The following FAM234A variants were observed in gnomAD, a reference collection of about 807,000 sequenced individuals.
FAM234A encodes protein FAM234A.
FAM234A carries 42 observed loss-of-function variants against 49.1 expected under a neutral mutation model. The observed-to-expected ratio is 0.86, with a 90% CI of 0.67 to 1.11. The LOEUF (loss-of-function observed/expected upper bound fraction) is 1.11. Ranked by LOEUF, FAM234A falls within the 50% of genes least tolerant of loss-of-function variation. The probability of loss-of-function intolerance (pLI) is 0.00; values close to 1 mark genes in which losing one functional copy is unlikely to be tolerated. For missense variants in FAM234A, 815 were observed against 745.2 expected (o/e 1.09, Z -1.09); for synonymous variants, 369 against 316.2 (o/e 1.17, Z -1.77).
rs541363707 is a variant in FAM234A at position 236,619 on chromosome 16, TA to T, written c.-140+1765del. Among the ~76,000 whole-genome samples, 447 of 146,936 alleles carry T rather than the reference TA, an allele frequency of 3.0e-3. 2 individuals carry two copies. Among genetic ancestry groups the T allele is most frequent in the African/African-American group, 0.01 (410 of 39,608 alleles). On this transcript the variant is annotated intron_variant, in intron 1 of 12. Transcript: ENST00000399932. ...GAGACATAGCGAGACTGTCTCAAAATAAATAGGCCGGGCGCGGTGGCTCACG... is the reference window on the plus strand; with the variant it reads ...GAGACATAGCGAGACTGTCTCAAAATAATAGGCCGGGCGCGGTGGCTCACG...
chr16:245,587 G>A (rs2050776406), intron 1 of FAM234A, among the ~76,000 whole-genome samples: 1 of 151,890 alleles, frequency 6.6e-6, no homozygotes, highest in Non-Finnish European at 1.5e-5. Flanking sequence ...CAATCTTTTG[G>A]CTTCCCTGGG....
chr16:244,677 A>C (rs1410582599), intron 1 of FAM234A, among the ~76,000 whole-genome samples: 1 of 145,244 alleles, frequency 6.9e-6, no homozygotes, highest in East Asian at 2.0e-4. Flanking sequence ...CCTGAATGGT[A>C]ACCTCTTTTT....
At chr16:246,782 T>C (rs1051340093) in intron 1 of FAM234A, among the ~76,000 whole-genome samples, 3 of 149,916 alleles carry the variant, frequency 2.0e-5, no homozygotes, top group Non-Finnish European at 4.4e-5. Context: ...TTTTTGTTTT[T>C]TTCTTTTTTT....
downstream of FAM234A, among the ~76,000 whole-genome samples, chr16:267,356 T>C (rs746509639): frequency 2.0e-5 from 3 of 152,096 alleles, no homozygotes; most frequent in Non-Finnish European, 2.9e-5. Context: ...TGCCTGGGTC[T>C]GAGAGGGTCA....
chr16:269,162 G>A (rs1596879711), downstream of FAM234A: 1 of 973,220 alleles, frequency 1.0e-6, no homozygotes, highest in Non-Finnish European at 1.6e-6. Flanking sequence ...GGGGACACTG[G>A]TGCTGGGTTC....
In FAM234A at chr16:256,317, T is replaced by TA. The variant is rs148792042; in HGVS notation, c.268+1636_268+1637insA. ...AAAGCGACTGCACCATTTGACTATT[T>TA]TCCATTCCTACTACAATGCTGAGGA... On this transcript the variant is annotated intron_variant, in intron 3 of 12. Coordinates refer to ENST00000399932, the MANE Select transcript of FAM234A (RefSeq NM_032039.4). Among the ~76,000 whole-genome samples the TA allele has an allele frequency of 5.1e-3, 775 of 152,340 alleles. 40 individuals are homozygous for TA. In the East Asian group the frequency reaches 0.11, roughly 22 times the overall value.
chr16:259,394 T>C (rs2051365145), intron 3 of FAM234A, 89 bp from the exon 4 acceptor site: 6 of 746,032 alleles, frequency 8.0e-6, no homozygotes, highest in Admixed American at 2.1e-5. Flanking sequence ...GCAGGTTCCA[T>C]GTAGCAGAGA....
At position 264,816 on chromosome 16, in the gene FAM234A, C is replaced by T; in HGVS notation, c.1453C>T (p.Leu485=). 6.2e-7 allele frequency: 1 copy of T among 1,609,316 alleles called. No individual in the cohort carries two copies. Among genetic ancestry groups the T allele is most frequent in the South Asian group, 1.1e-5 (1 of 90,968 alleles). ...STHIVAFDAV[L]FEPSRHAAYI... The stretch of plus-strand genomic sequence containing the variant: ...CTGTGTCCCCCACCCTGCAGCCGTC[C>T]TGTTTGAGCCAAGCCGCCACGCCGC... Residue 485 remains leucine (L), a synonymous_variant, in exon 13 of 13, where the codon CTG becomes TTG. Coordinates refer to ENST00000399932, the MANE Select transcript of FAM234A (RefSeq NM_032039.4).
At chr16:247,997 G>T (rs2050873966) in intron 1 of FAM234A, among the ~76,000 whole-genome samples, 1 of 152,090 alleles carries the variant, frequency 6.6e-6, no homozygotes, top group Non-Finnish European at 1.5e-5. Flanking sequence ...GTTCAGGTGG[G>T]TGCTCATCTG....
intron 1 of FAM234A, among the ~76,000 whole-genome samples, chr16:238,210 G>A (rs1310947050): frequency 6.6e-6 from 1 of 152,072 alleles, no homozygotes; most frequent in Admixed American, 6.6e-5. Flanking sequence ...GTAGAGACGA[G>A]GTTTCGCCAT....
rs756526364 is a variant in FAM234A, at chr16:254,603, T to G, written c.190T>G (p.Phe64Val). The G allele has an allele frequency of 9.9e-6, 16 of 1,613,810 alleles. No homozygotes were observed. Among genetic ancestry groups the G allele is most frequent in the East Asian group, 8.9e-5 (4 of 44,892 alleles). Residue 64 changes from phenylalanine to valine, a missense_variant, in exon 3 of 13, where the codon TTC (phenylalanine) becomes GTC (valine). Physicochemically the swap from Phe to Val is conservative, Grantham distance 50. Coordinates refer to ENST00000399932, the MANE Select transcript of FAM234A (RefSeq NM_032039.4). Reference protein sequence around the residue: ...LSLFLCLFVVFVVSFVIPCPD... With the variant: ...LSLFLCLFVVVVVSFVIPCPD... ...ATTGTTTCTCTGCCTTTTTGTGGTGTTCGTCGTCTCATTCGTCATCCCGTG... is the reference window on the plus strand; with the variant it reads ...ATTGTTTCTCTGCCTTTTTGTGGTGGTCGTCGTCTCATTCGTCATCCCGTG...
intron 1 of FAM234A, among the ~76,000 whole-genome samples, chr16:235,997 A>T (rs1438588117): frequency 6.6e-6 from 1 of 151,844 alleles, no homozygotes; most frequent in Non-Finnish European, 1.5e-5. Context: ...TACTAAAAAT[A>T]AAAAAATTAG....
chr16:263,539 C>T, intron 9 of FAM234A, 137 bp downstream of exon 9: 1 of 1,348,496 alleles, frequency 7.4e-7, no homozygotes, highest in Non-Finnish European at 1.0e-6. Context: ...TCTTGCCTGT[C>T]TCTGGTACTT....
Position 262,888 on chromosome 16 carries a change from CG to C in FAM234A, c.971+337del, listed in dbSNP as rs1344230265. ...AGGCTGGAGTGCAGTGGTGCGATCT[CG>C]GTTCACTGCAACCTCCGCCTCCCGG... is the stretch of plus-strand genomic sequence containing the variant. On this transcript the variant is annotated intron_variant, in intron 8 of 12. Coordinates refer to ENST00000399932, the MANE Select transcript of FAM234A (RefSeq NM_032039.4). Among the ~76,000 whole-genome samples the C allele has an allele frequency of 7.4e-5, 11 of 148,462 alleles. No individual in the cohort carries two copies. In the South Asian group the frequency reaches 1.1e-3, roughly 14 times the overall value.
At chr16:246,749 GTGTTTTGTTT>G (rs146299091) in intron 1 of FAM234A, among the ~76,000 whole-genome samples, 9 of 148,900 alleles carry the variant, frequency 6.0e-5, no homozygotes, top group East Asian at 3.9e-4. Flanking sequence ...CGATCGATTG[GTGTTTTGTTT>G]TGTTTTGTTT....
chr16:263,607 G>T, intron 9 of FAM234A, 93 bp from the exon 10 acceptor site: 1 of 1,286,136 alleles, frequency 7.8e-7, no homozygotes. Flanking sequence ...TGTGGCCATG[G>T]GAGACTGAGG....
At position 265,710 on chromosome 16, in the gene FAM234A, G is replaced by A. The variant is rs1055241476; in HGVS notation, c.*688G>A. Reference sequence around the variant, plus strand: ...CTGCTCTGGAGCTGAGCCCGTGGCCGCTCACAGGTGTCCTTAGTGGTGTTG... The same window carrying A: ...CTGCTCTGGAGCTGAGCCCGTGGCCACTCACAGGTGTCCTTAGTGGTGTTG... On this transcript the variant is annotated 3_prime_UTR_variant, in exon 13 of 13. Transcript: ENST00000399932. 1.5e-5 allele frequency: 15 copies of A among 985,404 alleles called. No homozygotes were observed. Among genetic ancestry groups the A allele is most frequent in the South Asian group, 1.4e-4 (3 of 21,290 alleles). 61.0% of individuals were successfully genotyped at this position (985,404 alleles called of 1,614,324 possible). A position where few individuals can be genotyped will look rare whatever the true frequency, so the allele number is the denominator to read the frequency against.
intron 11 of FAM234A, 49 bp from the exon 12 acceptor site, chr16:264,565 G>T: frequency 8.0e-7 from 1 of 1,256,942 alleles, no homozygotes; most frequent in Non-Finnish European, 1.2e-6. Flanking sequence ...AGTGTCCTGT[G>T]GGAGTGCTCA....
chr16:259,418 G>A (rs988542790), intron 3 of FAM234A, 65 bp from the exon 4 acceptor site: 1 of 924,506 alleles, frequency 1.1e-6, no homozygotes, highest in African/African-American at 1.6e-5. Flanking sequence ...AGGTCGTGCT[G>A]GACCTGATCG....
Sources: gnomAD v4.1 joint callset for allele counts (sites outside exome capture counted in the v4.1 genomes callset) on GRCh38, gnomAD v4.1.1 for gene constraint, MANE v1.5 for transcripts, NCBI Gene and HGNC (gene_info 2026-07-23, HGNC 2026-07-21) for gene names.